LHCGR: variants seen among roughly 807,000 people sequenced by gnomAD.
The protein encoded by LHCGR is luteinizing hormone/choriogonadotropin receptor.
Under a neutral mutation model 60.7 loss-of-function variants are expected in LHCGR, and 55 were observed. That is an observed-to-expected ratio of 0.91 (90% CI 0.73 to 1.13). LHCGR has a LOEUF of 1.13. LHCGR is among the 50% of genes most tolerant of loss of function. The probability of loss-of-function intolerance (pLI) is 0.00; values close to 1 mark genes in which losing one functional copy is unlikely to be tolerated. For synonymous variants in LHCGR, 337 were observed against 316.5 expected, an observed-to-expected ratio of 1.06 and a Z score of -0.69; for missense variants, 862 against 836.0, an observed-to-expected ratio of 1.03 and a Z score of -0.38.
At chr2:48,698,497 C>A in intron 9 of LHCGR, 118 bp downstream of exon 9, 1 of 792,264 alleles carries the variant, frequency 1.3e-6, no homozygotes. Context: ...CCCATGTCTA[C>A]GGAGCTGGCC....
At chr2:48,714,107 T>C in intron 6 of LHCGR, 53 bp from the exon 7 acceptor site, 7 of 1,312,072 alleles carry the variant, frequency 5.3e-6, no homozygotes, top group Non-Finnish European at 7.7e-6. Context: ...AAGAAACAGT[T>C]TGGAAACACA....
At chr2:48,750,357 T>C (rs1669907305) in intron 1 of LHCGR, among the ~76,000 whole-genome samples, 1 of 152,172 alleles carries the variant, frequency 6.6e-6, no homozygotes, top group African/African-American at 2.4e-5. Flanking sequence ...GATTCTTCCC[T>C]ACTGAGTCTA....
intron 6 of LHCGR, among the ~76,000 whole-genome samples, chr2:48,716,002 G>T (rs17398392): frequency 0.042 from 6,321 of 152,168 alleles, 191 homozygotes; most frequent in Non-Finnish European, 0.062. Flanking sequence ...TGGTTTCCCA[G>T]GCTCTCATAT....
chr2:48,740,608 C>T (rs925282024), intron 1 of LHCGR, among the ~76,000 whole-genome samples: 1 of 152,052 alleles, frequency 6.6e-6, no homozygotes, highest in African/African-American at 2.4e-5. Context: ...GCCGGGTACT[C>T]CAACAGACCT....
chr2:48,752,327 C>G (rs1025944994), intron 1 of LHCGR, among the ~76,000 whole-genome samples: 4 of 152,062 alleles, frequency 2.6e-5, no homozygotes, highest in Non-Finnish European at 4.4e-5. Context: ...GGTAAGGTTA[C>G]TAGGACCCCA....
Position 48,713,508 on chromosome 2 carries a change from A to G in LHCGR, c.605+478T>C, listed in dbSNP as rs1204081778. 6.6e-5 allele frequency among the ~76,000 whole-genome samples: 10 copies of G among 152,178 alleles called. No individual in the cohort carries two copies. In the South Asian group the frequency reaches 1.4e-3, roughly 22 times the overall value. ...ACTGGGTAGGGTGTGGTGAAAACAC[A>G]AAGCTCCCTACCTTGTGGAAAATGA... On this transcript the variant is annotated intron_variant, in intron 7 of 10. Coordinates refer to ENST00000294954, the MANE Select transcript of LHCGR (RefSeq NM_000233.4).
chr2:48,687,755 G>A lies in LHCGR; in HGVS notation c.2042C>T (p.Ser681Phe). Reference protein sequence around the residue: ...NKPSQSTLKLSTLHCQGTALL... With the variant: ...NKPSQSTLKLFTLHCQGTALL... The stretch of plus-strand genomic sequence containing the variant: ...AGCTGTACCTTGACAGTGCAATGTG[G>A]ACAACTTCAAGGTGGATTGAGAAGG... The change falls in exon 11 of 11, where the codon TCC (serine) becomes TTC (phenylalanine). Residue 681 changes from serine (S) to phenylalanine (F), a missense_variant. Ser to Phe is a radical substitution (Grantham distance 155). Transcript: ENST00000294954. 1.2e-6 allele frequency: 2 copies of A among 1,614,120 alleles called. No individual in the cohort carries two copies. Among genetic ancestry groups the A allele is most frequent in the South Asian group, 1.1e-5 (1 of 91,076 alleles).
intron 7 of LHCGR, among the ~76,000 whole-genome samples, chr2:48,710,799 C>T (rs1667949371): frequency 6.6e-6 from 1 of 152,196 alleles, no homozygotes; most frequent in Non-Finnish European, 1.5e-5. Context: ...ACTTCAGTAT[C>T]GTTGTGTTCT....
chr2:48,746,516 T>G (rs1669712126), intron 1 of LHCGR, among the ~76,000 whole-genome samples: 2 of 152,238 alleles, frequency 1.3e-5, no homozygotes, highest in South Asian at 4.1e-4. Flanking sequence ...ATCAGTCAGT[T>G]GAAACTTTCC....
rs750963963 is a variant in LHCGR, at chr2:48,687,849, G to T, written c.1948C>A (p.Leu650Ile). The stretch of plus-strand genomic sequence containing the variant: ...GCTGAAAAATCTTTCCTTCTATAAA[G>T]TTCAGCCCGACGTTTACAGCAGCCA... ...KFGCCKRRAE[L>I]YRRKDFSAYT... Residue 650 changes from leucine (L) to isoleucine (I), a missense_variant, in exon 11 of 11, where the codon CTT becomes ATT. Transcript: ENST00000294954. The T allele has an allele frequency of 6.2e-7, 1 of 1,614,096 alleles. No homozygotes were observed. The highest frequency in any genetic ancestry group is 1.7e-5 in the Admixed American group (1 of 60,008).
chr2:48,726,799 T>C (rs929292169), intron 3 of LHCGR, among the ~76,000 whole-genome samples: 1 of 152,220 alleles, frequency 6.6e-6, no homozygotes, highest in Non-Finnish European at 1.5e-5. Context: ...TTTTGAGGAA[T>C]AAATATATGT....
intron 1 of LHCGR, among the ~76,000 whole-genome samples, chr2:48,742,678 G>A (rs1282579713): frequency 1.3e-5 from 2 of 151,950 alleles, no homozygotes; most frequent in Non-Finnish European, 2.9e-5. Context: ...GAATCTCTGG[G>A]ACGCATTCAA....
At chr2:48,709,386 C>G (rs1667866472) in intron 7 of LHCGR, among the ~76,000 whole-genome samples, 1 of 152,184 alleles carries the variant, frequency 6.6e-6, no homozygotes, top group Non-Finnish European at 1.5e-5. Flanking sequence ...TGAAGTGCAG[C>G]CTACTCTTTG....
chr2:48,748,689 T>C (rs1376357450), intron 1 of LHCGR, among the ~76,000 whole-genome samples: 9 of 152,306 alleles, frequency 5.9e-5, no homozygotes, highest in African/African-American at 2.2e-4. Context: ...CATCATCAGA[T>C]TATTACAATA....
intron 7 of LHCGR, among the ~76,000 whole-genome samples, chr2:48,713,296 A>T (rs1463438778): frequency 2.6e-5 from 4 of 152,118 alleles, no homozygotes; most frequent in Non-Finnish European, 5.9e-5. Context: ...AGTTTTTATT[A>T]TGCACAAATT....
intron 7 of LHCGR, among the ~76,000 whole-genome samples, chr2:48,711,850 C>G (rs1247646966): frequency 6.6e-6 from 1 of 152,190 alleles, no homozygotes; most frequent in African/African-American, 2.4e-5. Flanking sequence ...AGCCTTCCGT[C>G]CTTCCTGCTA....
At chr2:48,726,070 C>T (rs4953617) in intron 3 of LHCGR, among the ~76,000 whole-genome samples, 140,890 of 152,044 alleles carry the variant, frequency 0.93, 65,346 homozygotes, top group East Asian at 1. Flanking sequence ...CCTGGCCAAG[C>T]AGATTCTGCC....
chr2:48,740,573 T>C (rs959561630), intron 1 of LHCGR, among the ~76,000 whole-genome samples: 3 of 151,884 alleles, frequency 2.0e-5, no homozygotes, highest in East Asian at 1.9e-4. Flanking sequence ...CACCCCCCAG[T>C]AGGGGCAGAC....
chr2:48,692,107 C>T (rs1666877578), intron 10 of LHCGR, among the ~76,000 whole-genome samples: 1 of 152,156 alleles, frequency 6.6e-6, no homozygotes, highest in Non-Finnish European at 1.5e-5. Flanking sequence ...AGACCCCTGG[C>T]TTTACCCCAA....
Sources: gnomAD v4.1 joint callset for allele counts (sites outside exome capture counted in the v4.1 genomes callset) on GRCh38, gnomAD v4.1.1 for gene constraint, MANE v1.5 for transcripts, NCBI Gene and HGNC (gene_info 2026-07-23, HGNC 2026-07-21) for gene names.